GUCY1A2: variants seen among roughly 807,000 people sequenced by gnomAD.
The protein encoded by GUCY1A2 is guanylate cyclase soluble subunit alpha-2.
A neutral mutation model predicts 63.5 loss-of-function variants in GUCY1A2; 27 were observed. The ratio of observed to expected loss-of-function variants is 0.43; its 90% CI spans 0.31 to 0.59. GUCY1A2 has a LOEUF of 0.59. Ranked by LOEUF, GUCY1A2 falls within the 20% of genes least tolerant of loss-of-function variation. GUCY1A2 has a pLI of 0.11. For synonymous variants in GUCY1A2, 364 were observed against 343.5 expected (o/e 1.06, Z -0.66); for missense variants, 768 against 913.3 (o/e 0.84, Z 2.05).
intron 6 of GUCY1A2, among the ~76,000 whole-genome samples, chr11:106,747,779 G>A (rs563894536): frequency 6.6e-6 from 1 of 152,194 alleles, no homozygotes; most frequent in Non-Finnish European, 1.5e-5. Flanking sequence ...GGTGGGATGG[G>A]GAGGTCGGGC....
At chr11:106,812,998 T>A (rs577259053) in intron 4 of GUCY1A2, among the ~76,000 whole-genome samples, 1 of 152,178 alleles carries the variant, frequency 6.6e-6, no homozygotes, top group East Asian at 1.9e-4. Flanking sequence ...TAAATTATCC[T>A]TCTTGAATTA....
intron 3 of GUCY1A2, among the ~76,000 whole-genome samples, chr11:106,956,025 T>C (rs1860979951): frequency 6.6e-6 from 1 of 151,820 alleles, no homozygotes; most frequent in South Asian, 2.1e-4. Flanking sequence ...GCATGTCTTA[T>C]TTCAGTAAGG....
intron 4 of GUCY1A2, among the ~76,000 whole-genome samples, chr11:106,830,853 C>T (rs951957909): frequency 2.0e-5 from 3 of 152,176 alleles, no homozygotes; most frequent in Non-Finnish European, 4.4e-5. Context: ...CCAGTACCCA[C>T]ATATACATGT....
At chr11:106,724,670 A>G (rs1190173616) in intron 6 of GUCY1A2, among the ~76,000 whole-genome samples, 1 of 152,180 alleles carries the variant, frequency 6.6e-6, no homozygotes, top group Non-Finnish European at 1.5e-5. Context: ...TGGTTATGCA[A>G]TATATTATCT....
At chr11:106,820,972 G>A (rs1858894369) in intron 4 of GUCY1A2, among the ~76,000 whole-genome samples, 1 of 151,908 alleles carries the variant, frequency 6.6e-6, no homozygotes, top group Non-Finnish European at 1.5e-5. Flanking sequence ...TTTGCATTTA[G>A]TTTCATTTCT....
chr11:106,679,946 G>A lies in GUCY1A2; in HGVS notation c.*7603C>T, dbSNP rs1260372520. 2 of 218,166 alleles carry A rather than the reference G, an allele frequency of 9.2e-6. No individual in the cohort carries two copies. Among genetic ancestry groups the A allele is most frequent in the Admixed American group, 1.2e-4 (2 of 17,164 alleles). 13.5% of individuals were successfully genotyped at this position (218,166 alleles called of 1,614,324 possible). A position where few individuals can be genotyped will look rare whatever the true frequency, so the allele number is the denominator to read the frequency against. ...CTCCTAGGAAAACTAAAAATGGCTT[G>A]TGAAGGGTTTCTCTTTTTTTGTCTT... On this transcript the variant is annotated 3_prime_UTR_variant, in exon 8 of 8. Transcript: ENST00000526355.
At chr11:106,843,089 T>G (rs1859222742) in intron 4 of GUCY1A2, among the ~76,000 whole-genome samples, 1 of 152,004 alleles carries the variant, frequency 6.6e-6, no homozygotes, top group South Asian at 2.1e-4. Context: ...CCAAATTTAT[T>G]ATGTTCTTCC....
intron 4 of GUCY1A2, among the ~76,000 whole-genome samples, chr11:106,919,570 C>T (rs1860414113): frequency 6.6e-6 from 1 of 151,816 alleles, no homozygotes; most frequent in Non-Finnish European, 1.5e-5. Context: ...GGAAAACTAA[C>T]AATAGACAAT....
chr11:106,992,583 G>A (rs1307223046), intron 1 of GUCY1A2, among the ~76,000 whole-genome samples: 1 of 152,022 alleles, frequency 6.6e-6, no homozygotes, highest in Non-Finnish European at 1.5e-5. Flanking sequence ...GCCCACCTCA[G>A]CCTCCCAAAG....
At chr11:107,004,658 AATAAG>A (rs1372729597) in intron 1 of GUCY1A2, among the ~76,000 whole-genome samples, 1 of 152,182 alleles carries the variant, frequency 6.6e-6, no homozygotes. Context: ...TAAACTAGTA[AATAAG>A]ATAATTTATG....
chr11:106,875,607 C>G (rs562175665), intron 4 of GUCY1A2, among the ~76,000 whole-genome samples: 2 of 152,020 alleles, frequency 1.3e-5, no homozygotes, highest in South Asian at 4.2e-4. Context: ...TAAGATTTAC[C>G]AGCTTATCCA....
chr11:106,844,945 G>GA (rs933418270), intron 4 of GUCY1A2, among the ~76,000 whole-genome samples: 7 of 151,238 alleles, frequency 4.6e-5, no homozygotes, highest in East Asian at 1.9e-4. Flanking sequence ...AAACATAACA[G>GA]AAAAAAAAGG....
chr11:106,962,104 A>G (rs986110943), intron 3 of GUCY1A2, among the ~76,000 whole-genome samples: 9 of 152,216 alleles, frequency 5.9e-5, no homozygotes, highest in African/African-American at 1.4e-4. Flanking sequence ...TTTTCCCAAC[A>G]TTTATACTAA....
rs138994802 is a variant in GUCY1A2, at chr11:106,746,968, G to C, written c.1836+29471C>G. On this transcript the variant is annotated intron_variant, in intron 6 of 7. Coordinates refer to ENST00000526355, the MANE Select transcript of GUCY1A2 (RefSeq NM_000855.3). ...TGTGCAAATAGTCACTGTCCTTTAAGAATCAAAAGATGTGGGTTTTTTTTG... is the reference window on the plus strand; with the variant it reads ...TGTGCAAATAGTCACTGTCCTTTAACAATCAAAAGATGTGGGTTTTTTTTG... Among the ~76,000 whole-genome samples, 105 of 152,190 alleles carry C rather than the reference G, an allele frequency of 6.9e-4. 1 individual carries two copies. In the East Asian group the frequency reaches 0.02, roughly 29 times the overall value.
At chr11:106,736,895 T>A (rs1863598949) in intron 6 of GUCY1A2, among the ~76,000 whole-genome samples, 1 of 152,160 alleles carries the variant, frequency 6.6e-6, no homozygotes, top group Non-Finnish European at 1.5e-5. Flanking sequence ...TTTGCTTGTT[T>A]CTGATGATCA....
At chr11:107,001,454 T>C (rs1861611184) in intron 1 of GUCY1A2, among the ~76,000 whole-genome samples, 2 of 152,298 alleles carry the variant, frequency 1.3e-5, no homozygotes, top group South Asian at 4.1e-4. Context: ...AACCATTTTT[T>C]GCTCCACAGA....
intron 5 of GUCY1A2, among the ~76,000 whole-genome samples, chr11:106,800,947 C>A (rs1033797113): frequency 6.6e-6 from 1 of 151,968 alleles, no homozygotes; most frequent in African/African-American, 2.4e-5. Flanking sequence ...ACCTGCTCCA[C>A]CAAAAGGTTG....
intron 6 of GUCY1A2, among the ~76,000 whole-genome samples, chr11:106,767,285 A>G (rs774078490): frequency 6.6e-6 from 1 of 152,166 alleles, no homozygotes; most frequent in Non-Finnish European, 1.5e-5. Flanking sequence ...ACTGTTGCAC[A>G]AAATCAAACT....
intron 7 of GUCY1A2, among the ~76,000 whole-genome samples, chr11:106,703,840 G>T (rs1862860025): frequency 6.6e-6 from 1 of 151,628 alleles, no homozygotes; most frequent in South Asian, 2.1e-4. Flanking sequence ...ATTAAGTAAT[G>T]ATTACTTAGT....
Sources: gnomAD v4.1 joint callset for allele counts (sites outside exome capture counted in the v4.1 genomes callset) on GRCh38, gnomAD v4.1.1 for gene constraint, MANE v1.5 for transcripts, NCBI Gene and HGNC (gene_info 2026-07-23, HGNC 2026-07-21) for gene names.